Variants in MECOM observed in about 807,000 individuals in gnomAD.
The protein encoded by MECOM is MDS1 and EVI1 complex locus.
MECOM carries 13 observed loss-of-function variants against 116.3 expected under a neutral mutation model. The observed-to-expected ratio is 0.11, with a 90% CI of 0.07 to 0.18. MECOM has a LOEUF of 0.18. Ranked by LOEUF, MECOM falls within the 10% of genes least tolerant of loss-of-function variation. MECOM has a pLI of 1.00. For missense variants in MECOM, 1,299 were observed against 1,509.0 expected (o/e 0.86, Z 2.31); for synonymous variants, 528 against 535.2 (o/e 0.99, Z 0.19).
At chr3:169,249,804 C>T (rs570258845) in intron 2 of MECOM, among the ~76,000 whole-genome samples, 1 of 152,088 alleles carries the variant, frequency 6.6e-6, no homozygotes, top group South Asian at 2.1e-4. Context: ...AAAAGGTGGC[C>T]CTCAGGGGTT....
In MECOM at chr3:169,239,095, A is replaced by AATAT. The variant is rs1754460764; in HGVS notation, c.376-95264_376-95263insATAT. ...AGATATGTTACATGTGAACTGCTAT[A>AATAT]AAAGTAAATTTTAAATTAATCACAA... On this transcript the variant is annotated intron_variant, in intron 2 of 16. Transcript: ENST00000651503. Among the ~76,000 whole-genome samples the AATAT allele has an allele frequency of 3.3e-5, 5 of 152,158 alleles. No individual in the cohort carries two copies. The South Asian group carries it at 1.0e-3, about 31-fold the overall frequency.
chr3:169,256,097 C>T (rs1365483148), intron 2 of MECOM, among the ~76,000 whole-genome samples: 1 of 152,094 alleles, frequency 6.6e-6, no homozygotes, highest in African/African-American at 2.4e-5. Context: ...TTCAAAAATA[C>T]TTAGCTTCCT....
intron 2 of MECOM, among the ~76,000 whole-genome samples, chr3:169,272,184 C>T (rs1316632907): frequency 6.6e-6 from 1 of 152,190 alleles, no homozygotes; most frequent in African/African-American, 2.4e-5. Flanking sequence ...GGTGAATTCA[C>T]ACTGTTAAAC....
rs10576266 is a variant in MECOM, at chr3:169,180,794, G to GATATATATATATATATATATATATATAT, written c.376-36963_376-36962insATATATATATATATATATATATATATAT. Among the ~76,000 whole-genome samples, 628 of 108,484 alleles carry GATATATATATATATATATATATATATAT rather than the reference G, an allele frequency of 5.8e-3. 23 individuals are homozygous for GATATATATATATATATATATATATATAT. The highest frequency in any genetic ancestry group is 8.3e-3 in the Non-Finnish European group (412 of 49,620). 71.2% of individuals were successfully genotyped at this position (108,484 alleles called of 152,430 possible). On this transcript the variant is annotated intron_variant, in intron 2 of 16. Transcript: ENST00000651503. ...TATGTATGTGTGTGTGTGTGGAGAT[G>GATATATATATATATATATATATATATAT]ATATATATATATATATATATCAGGC...
At position 169,192,108 on chromosome 3, in the gene MECOM, G is replaced by A. The variant is rs139433357; in HGVS notation, c.376-48276C>T. ...AATGAAAAATACTATGCATAGGTTT[G>A]AGGATCACAGCCAACAGTTTATTAT... is the stretch of plus-strand genomic sequence containing the variant. On this transcript the variant is annotated intron_variant, in intron 2 of 16. Transcript: ENST00000651503. 3.4e-3 allele frequency among the ~76,000 whole-genome samples: 520 copies of A among 152,120 alleles called. 3 individuals carry two copies. The highest frequency in any genetic ancestry group is 0.012 in the African/African-American group (487 of 41,540).
At chr3:169,146,460 C>T (rs1739958436) in intron 2 of MECOM, 1 of 1,385,930 alleles carries the variant, frequency 7.2e-7, no homozygotes, top group Non-Finnish European at 9.6e-7. Context: ...GGCCGACAAG[C>T]CGGCAGAGAA....
intron 2 of MECOM, among the ~76,000 whole-genome samples, chr3:169,284,485 A>G (rs1712847226): frequency 6.6e-6 from 1 of 152,066 alleles, no homozygotes; most frequent in Non-Finnish European, 1.5e-5. Context: ...TTTAACAAAT[A>G]ATTAGGCCTC....
At chr3:169,536,943 G>C (rs1759441812) in intron 1 of MECOM, among the ~76,000 whole-genome samples, 1 of 152,020 alleles carries the variant, frequency 6.6e-6, no homozygotes, top group South Asian at 2.1e-4. Flanking sequence ...TTATAGATGG[G>C]GAAACTGCAG....
intron 2 of MECOM, among the ~76,000 whole-genome samples, chr3:169,191,734 A>AAG (rs774210997): frequency 0.13 from 9,627 of 71,686 alleles, 456 homozygotes; most frequent in Non-Finnish European, 0.2. Flanking sequence ...GAAAGAAAGA[A>AAG]AGAAAGAGAA....
chr3:169,317,715 T>C (rs1035336688), intron 2 of MECOM, among the ~76,000 whole-genome samples: 14 of 152,332 alleles, frequency 9.2e-5, no homozygotes, highest in African/African-American at 3.4e-4. Flanking sequence ...TTTTAGAACC[T>C]ACACAATTTA....
chr3:169,091,902 C>T (rs2148865222), intron 14 of MECOM, among the ~76,000 whole-genome samples: 1 of 152,086 alleles, frequency 6.6e-6, no homozygotes, highest in South Asian at 2.1e-4. Flanking sequence ...TCCAATAATA[C>T]TTGTATGATG....
chr3:169,178,761 C>G (rs980236599), intron 2 of MECOM, among the ~76,000 whole-genome samples: 5 of 152,146 alleles, frequency 3.3e-5, no homozygotes, highest in Admixed American at 1.3e-4. Context: ...ATATGTTACG[C>G]TAGATATCCA....
At chr3:169,590,396 C>G (rs1338549758) in intron 1 of MECOM, among the ~76,000 whole-genome samples, 2 of 152,136 alleles carry the variant, frequency 1.3e-5, no homozygotes. Flanking sequence ...GTGCCCACAC[C>G]GATACATGAG....
At chr3:169,643,333 C>G (rs556828967) in intron 1 of MECOM, among the ~76,000 whole-genome samples, 226 of 152,200 alleles carry the variant, frequency 1.5e-3, no homozygotes, top group African/African-American at 5.1e-3. Context: ...TATGTGAACC[C>G]CCAAATATGA....
chr3:169,599,543 A>G (rs1767576035), intron 1 of MECOM, among the ~76,000 whole-genome samples: 2 of 151,294 alleles, frequency 1.3e-5, no homozygotes, highest in Admixed American at 6.6e-5. Context: ...GTAAACCTGT[A>G]TATGGAAAAA....
chr3:169,085,500 G>T (rs940596847), intron 16 of MECOM, among the ~76,000 whole-genome samples: 4 of 152,228 alleles, frequency 2.6e-5, no homozygotes, highest in Admixed American at 6.5e-5. Flanking sequence ...CGAAAGCACT[G>T]AAGGTGCTTG....
chr3:169,381,075 T>C, intron 2 of MECOM, 112 bp downstream of exon 2: 1 of 942,382 alleles, frequency 1.1e-6, no homozygotes, highest in South Asian at 1.8e-5. Context: ...CTTAAAAACC[T>C]GTTGAAAACA....
rs550461435 is a variant in MECOM at position 169,432,453 on chromosome 3, G to A, written c.38-50929C>T. Among the ~76,000 whole-genome samples, 11 of 152,168 alleles carry A rather than the reference G, an allele frequency of 7.2e-5. No individual in the cohort carries two copies. The East Asian group carries it at 1.2e-3, about 16-fold the overall frequency. The stretch of plus-strand genomic sequence containing the variant: ...GATTATAGGCGTGAGCCACTGTGCC[G>A]GGCTGTCATTTTTTTCTTCTCATTA... On this transcript the variant is annotated intron_variant, in intron 1 of 16. Coordinates refer to ENST00000651503, the MANE Select transcript of MECOM (RefSeq NM_004991.4).
In MECOM at chr3:169,236,649, G is replaced by A. The variant is rs973471484; in HGVS notation, c.376-92817C>T. Among the ~76,000 whole-genome samples the A allele has an allele frequency of 3.2e-4, 49 of 152,054 alleles. 1 individual carries two copies. The highest frequency in any genetic ancestry group is 9.2e-4 in the Admixed American group (14 of 15,264). ...TGTTTTGTATACACCTCGAAGAGCC[G>A]TCATCAAAAAAGGGTCACCCTGATT... On this transcript the variant is annotated intron_variant, in intron 2 of 16. Transcript: ENST00000651503.
Sources: gnomAD v4.1 joint callset for allele counts (sites outside exome capture counted in the v4.1 genomes callset) on GRCh38, gnomAD v4.1.1 for gene constraint, MANE v1.5 for transcripts, NCBI Gene and HGNC (gene_info 2026-07-23, HGNC 2026-07-21) for gene names.